ABI3BP: variants seen among roughly 807,000 people sequenced by gnomAD.
The protein encoded by ABI3BP is target of Nesh-SH3.
In ABI3BP, 216 loss-of-function variants were observed where a neutral mutation model predicts 268.6. The ratio of observed to expected loss-of-function variants is 0.80; its 90% CI spans 0.72 to 0.90. The LOEUF is 0.90. Ranked by LOEUF, ABI3BP falls within the 40% of genes least tolerant of loss-of-function variation. The pLI, the probability that ABI3BP is intolerant of heterozygous loss-of-function variation, is 0.00. For synonymous variants in ABI3BP, 730 were observed against 730.0 expected (o/e 1.00, Z 0.00); for missense variants, 2,090 against 2,182.4 (o/e 0.96, Z 0.84).
At chr3:100,985,961 C>T (rs189587634) in intron 1 of ABI3BP, among the ~76,000 whole-genome samples, 115 of 152,286 alleles carry the variant, frequency 7.6e-4, no homozygotes, top group African/African-American at 2.7e-3. Context: ...GGTGGATAGA[C>T]TCTTACATAA....
chr3:100,821,686 T>A (rs917356725), intron 38 of ABI3BP, among the ~76,000 whole-genome samples: 14 of 136,644 alleles, frequency 1.0e-4, no homozygotes, highest in Admixed American at 5.0e-4. Flanking sequence ...CACTGCAACC[T>A]CCACCTCCTG....
intron 1 of ABI3BP, among the ~76,000 whole-genome samples, chr3:100,962,238 C>G (rs927879052): frequency 6.6e-6 from 1 of 152,206 alleles, no homozygotes; most frequent in Non-Finnish European, 1.5e-5. Flanking sequence ...CAAATCCCCA[C>G]TTTTGAACCT....
Position 100,969,774 on chromosome 3 carries a change from AT to A in ABI3BP, c.79+23531del, listed in dbSNP as rs573039873. Reference sequence around the variant, plus strand: ...AGTCCACATCTAAGAGTGTTAACTCATTTTTTTGTAGACCATTTGCCAAGAG... The same window carrying A: ...AGTCCACATCTAAGAGTGTTAACTCATTTTTTGTAGACCATTTGCCAAGAG... On this transcript the variant is annotated intron_variant, in intron 1 of 67. Coordinates refer to ENST00000471714, the MANE Select transcript of ABI3BP (RefSeq NM_001375547.2). Among the ~76,000 whole-genome samples, 12 of 152,272 alleles carry A rather than the reference AT, an allele frequency of 7.9e-5. No individual in the cohort carries two copies. In the South Asian group the frequency reaches 2.1e-3, roughly 26 times the overall value.
At chr3:100,780,605 T>TAA (rs142655332) in intron 57 of ABI3BP, among the ~76,000 whole-genome samples, 19 of 151,936 alleles carry the variant, frequency 1.3e-4, no homozygotes, top group African/African-American at 4.3e-4. Context: ...CTATGCCCAT[T>TAA]AAAAAAAACC....
At chr3:100,760,011 T>G (rs774720799) in intron 63 of ABI3BP, among the ~76,000 whole-genome samples, 14 of 152,194 alleles carry the variant, frequency 9.2e-5, no homozygotes, top group Non-Finnish European at 1.6e-4. Context: ...ATTGACAGTG[T>G]ATAAGAAATT....
At chr3:100,939,398 G>A (rs374339434) in intron 1 of ABI3BP, among the ~76,000 whole-genome samples, 4 of 151,940 alleles carry the variant, frequency 2.6e-5, no homozygotes, top group African/African-American at 4.8e-5. Flanking sequence ...AGTCATGTAG[G>A]TTCTTTCCTA....
intron 52 of ABI3BP, 115 bp from the exon 53 acceptor site, chr3:100,795,966 A>G (rs1444699509): frequency 8.5e-6 from 6 of 702,722 alleles, no homozygotes; most frequent in African/African-American, 3.9e-5. Flanking sequence ...GTTCTCTAAG[A>G]ATTGTAATAA....
At chr3:100,911,782 G>C in intron 2 of ABI3BP, 1 of 1,130,952 alleles carries the variant, frequency 8.8e-7, no homozygotes, top group Non-Finnish European at 1.4e-6. Context: ...ATTATACTTG[G>C]TGTTAATAGC....
intron 45 of ABI3BP, 137 bp from the exon 46 acceptor site, chr3:100,812,660 A>C: frequency 2.2e-6 from 1 of 462,484 alleles, no homozygotes; most frequent in East Asian, 3.6e-5. Flanking sequence ...AAGCTCTCAT[A>C]ACTGAACTGA....
intron 1 of ABI3BP, among the ~76,000 whole-genome samples, chr3:100,991,633 TA>T (rs2092931875): frequency 6.6e-6 from 1 of 152,100 alleles, no homozygotes; most frequent in Admixed American, 6.5e-5. Flanking sequence ...AGCTTTCCAA[TA>T]AAGAAAAAAC....
At chr3:100,819,752 C>T (rs893027760) in intron 40 of ABI3BP, among the ~76,000 whole-genome samples, 1 of 151,734 alleles carries the variant, frequency 6.6e-6, no homozygotes. Flanking sequence ...GAGTTTGAGA[C>T]CAGTCTGACT....
At chr3:100,971,528 T>G (rs1258945323) in intron 1 of ABI3BP, among the ~76,000 whole-genome samples, 1 of 152,142 alleles carries the variant, frequency 6.6e-6, no homozygotes, top group Non-Finnish European at 1.5e-5. Context: ...AAGTTTGGAA[T>G]GGGGCAAGAT....
chr3:100,866,007 C>T (rs1384972209), intron 10 of ABI3BP, among the ~76,000 whole-genome samples: 3 of 152,204 alleles, frequency 2.0e-5, no homozygotes, highest in Non-Finnish European at 4.4e-5. Context: ...CTCTCTCAGA[C>T]ATATTCCTAC....
intron 34 of ABI3BP, among the ~76,000 whole-genome samples, chr3:100,827,886 C>G (rs544929527): frequency 2.0e-5 from 3 of 152,028 alleles, no homozygotes; most frequent in Non-Finnish European, 2.9e-5. Flanking sequence ...TTATTTAAAT[C>G]TACTAGCCTT....
At chr3:100,854,788 A>G (rs1230840996) in intron 14 of ABI3BP, among the ~76,000 whole-genome samples, 1 of 152,226 alleles carries the variant, frequency 6.6e-6, no homozygotes, top group African/African-American at 2.4e-5. Context: ...ATAAAAGTCA[A>G]CATTAGATTA....
intron 10 of ABI3BP, among the ~76,000 whole-genome samples, chr3:100,865,659 T>C (rs1021028399): frequency 6.6e-6 from 1 of 152,026 alleles, no homozygotes; most frequent in Non-Finnish European, 1.5e-5. Context: ...GAGTAATAAG[T>C]TGTGGTGTTT....
At chr3:100,845,221 A>G (rs1370737758) in intron 20 of ABI3BP, among the ~76,000 whole-genome samples, 1 of 152,184 alleles carries the variant, frequency 6.6e-6, no homozygotes, top group African/African-American at 2.4e-5. Flanking sequence ...CCCTTCTCTC[A>G]TACAGCTGTC....
chr3:100,768,255 A>T (rs958121640), intron 62 of ABI3BP, among the ~76,000 whole-genome samples: 1 of 151,716 alleles, frequency 6.6e-6, no homozygotes, highest in Admixed American at 6.6e-5. Context: ...CACCCGGCTA[A>T]TTTTTTGTAT....
chr3:100,787,487 A>G (rs1309862921), intron 57 of ABI3BP, among the ~76,000 whole-genome samples: 1 of 152,172 alleles, frequency 6.6e-6, no homozygotes, highest in African/African-American at 2.4e-5. Flanking sequence ...TCGTTTTCAG[A>G]AGCAAGATTA....
Sources: gnomAD v4.1 joint callset for allele counts (sites outside exome capture counted in the v4.1 genomes callset) on GRCh38, gnomAD v4.1.1 for gene constraint, MANE v1.5 for transcripts, NCBI Gene and HGNC (gene_info 2026-07-23, HGNC 2026-07-21) for gene names.